Variants in ITGB8 observed in about 807,000 individuals in gnomAD.
The protein encoded by ITGB8 is integrin subunit beta 8.
ITGB8 carries 30 observed loss-of-function variants against 89.5 expected under a neutral mutation model. The observed-to-expected ratio is 0.34, with a 90% CI of 0.25 to 0.45. The LOEUF is 0.45. Ranked by LOEUF, ITGB8 falls within the 20% of genes least tolerant of loss-of-function variation. The probability of loss-of-function intolerance (pLI) is 1.00; values close to 1 mark genes in which losing one functional copy is unlikely to be tolerated. For missense variants in ITGB8, 836 were observed against 933.3 expected (o/e 0.90, Z 1.36); for synonymous variants, 335 against 320.4 (o/e 1.05, Z -0.49).
chr7:20,340,454 A>T (rs1784719802), intron 1 of ITGB8, among the ~76,000 whole-genome samples: 2 of 152,222 alleles, frequency 1.3e-5, no homozygotes, highest in African/African-American at 4.8e-5. Flanking sequence ...AACTGTACCA[A>T]ATATGTCATA....
chr7:20,404,781 GC>G lies in ITGB8; in HGVS notation c.1842del (p.Cys614Ter). 1 of 1,614,174 alleles carries G rather than the reference GC, an allele frequency of 6.2e-7. No homozygotes were observed. The highest frequency in any genetic ancestry group is 8.5e-7 in the Non-Finnish European group (1 of 1,180,044). ...ACGTGTGTGTGTGGAAGGTGTGAGT[GC>G]ACCGATCCCAGGAGCATCGGCCGCT... is the stretch of plus-strand genomic sequence containing the variant. ...RGTCVCGRCECTDPRSIGRFC... is the reference protein window; with the variant it reads ...RGTCVCGRCEXTDPRSIGRFC... On this transcript the variant is annotated frameshift_variant, in exon 11 of 14. Transcript: ENST00000222573. LOFTEE classifies it high-confidence loss of function.
intron 11 of ITGB8, 78 bp downstream of exon 11, chr7:20,404,931 A>T: frequency 8.1e-7 from 1 of 1,239,506 alleles, no homozygotes. Flanking sequence ...CTTAATCTTA[A>T]ACGTTGCCAG....
intron 1 of ITGB8, among the ~76,000 whole-genome samples, chr7:20,355,776 T>G (rs747167031): frequency 6.6e-6 from 1 of 152,212 alleles, no homozygotes; most frequent in African/African-American, 2.4e-5. Context: ...TGGGCGACAC[T>G]GCAAGAGAGT....
intron 8 of ITGB8, among the ~76,000 whole-genome samples, chr7:20,398,491 G>C (rs1472987680): frequency 1.3e-5 from 2 of 152,134 alleles, no homozygotes; most frequent in Non-Finnish European, 2.9e-5. Flanking sequence ...TTTACCCTTT[G>C]TGATGATATA....
intron 1 of ITGB8, among the ~76,000 whole-genome samples, chr7:20,353,931 CAAAAAA>C (rs1158594685): frequency 4.3e-4 from 24 of 55,718 alleles, no homozygotes; most frequent in South Asian, 1.1e-3. Context: ...GACTCCGTCT[CAAAAAA>C]AAAAAAAAAA....
chr7:20,409,336 A>G (rs1258441063), intron 12 of ITGB8, among the ~76,000 whole-genome samples: 1 of 152,246 alleles, frequency 6.6e-6, no homozygotes, highest in Admixed American at 6.5e-5. Flanking sequence ...TAATACAATT[A>G]AAGAATCAAG....
chr7:20,330,773 C>G (rs1326686861), upstream of ITGB8: 1 of 152,128 alleles, frequency 6.6e-6, no homozygotes, highest in Non-Finnish European at 1.5e-5. Context: ...GGTTTCCTAG[C>G]AACTCTCTGC....
chr7:20,409,486 C>A, intron 12 of ITGB8, 129 bp from the exon 13 acceptor site: 1 of 628,118 alleles, frequency 1.6e-6, no homozygotes, highest in Non-Finnish European at 2.6e-6. Flanking sequence ...ATTTCAATCC[C>A]GATTTGAAAA....
Position 20,409,945 on chromosome 7 carries a change from A to C in ITGB8, c.2258A>C (p.Lys753Thr). 6.2e-7 allele frequency: 1 copy of C among 1,613,644 alleles called. No homozygotes were observed. The highest frequency in any genetic ancestry group is 8.5e-7 in the Non-Finnish European group (1 of 1,179,740). ...CGACGTGAGAAGCCTGAAGAAATAA[A>C]AATGGATATCAGCAAATTAAATGCT... ...TYRREKPEEI[K>T]MDISKLNAHE... The change falls in exon 14 of 14, where the codon AAA (lysine) becomes ACA (threonine). Residue 753 changes from lysine to threonine, a missense_variant. Physicochemically the swap from Lys to Thr is moderately conservative, Grantham distance 78. Around this residue, in one of 5 missense-constraint regions of ITGB8, gnomAD observed 422 missense variants for 416.9 expected, o/e 1.01. Coordinates refer to ENST00000222573, the MANE Select transcript of ITGB8 (RefSeq NM_002214.3).
In ITGB8 at chr7:20,410,319, C is replaced by A. The variant is rs1787714833; in HGVS notation, c.*322C>A. On this transcript the variant is annotated 3_prime_UTR_variant, in exon 14 of 14. Transcript: ENST00000222573. ...TTACACTTTACAGGTACCTGTTATC[C>A]CTACGCTTCCCAGAGAGAACAATGC... is the stretch of plus-strand genomic sequence containing the variant. 3.9e-6 allele frequency: 1 copy of A among 254,986 alleles called. No individual in the cohort carries two copies. Among genetic ancestry groups the A allele is most frequent in the Non-Finnish European group, 7.5e-6 (1 of 132,918 alleles). 15.8% of individuals were successfully genotyped at this position (254,986 alleles called of 1,614,324 possible).
chr7:20,369,801 A>G (rs544846512), intron 3 of ITGB8, among the ~76,000 whole-genome samples: 1 of 152,314 alleles, frequency 6.6e-6, no homozygotes, highest in Non-Finnish European at 1.5e-5. Flanking sequence ...ATACAAAATA[A>G]TAAATAAATA....
chr7:20,368,429 A>C (rs1400052964), intron 3 of ITGB8, among the ~76,000 whole-genome samples: 1 of 152,190 alleles, frequency 6.6e-6, no homozygotes, highest in African/African-American at 2.4e-5. Context: ...ATATTCCTAT[A>C]ATTACACATG....
intron 6 of ITGB8, among the ~76,000 whole-genome samples, chr7:20,390,716 G>A (rs1450757210): frequency 6.6e-6 from 1 of 152,020 alleles, no homozygotes; most frequent in African/African-American, 2.4e-5. Context: ...GCAAGAAAAT[G>A]CACTAAATAG....
At chr7:20,342,627 T>C (rs951752527) in intron 1 of ITGB8, among the ~76,000 whole-genome samples, 2 of 152,186 alleles carry the variant, frequency 1.3e-5, no homozygotes, top group African/African-American at 4.8e-5. Flanking sequence ...TGAGAGGGTT[T>C]TGCCAGTAAC....
chr7:20,384,447 T>C (rs1285232876), intron 6 of ITGB8, among the ~76,000 whole-genome samples: 3 of 152,230 alleles, frequency 2.0e-5, no homozygotes, highest in Non-Finnish European at 4.4e-5. Context: ...ACTGCCATTT[T>C]ATTGAGTATG....
At chr7:20,402,201 C>T in intron 10 of ITGB8, 75 bp downstream of exon 10, 1 of 1,280,364 alleles carries the variant, frequency 7.8e-7, no homozygotes, top group Admixed American at 2.6e-5. Context: ...GTCTTTAAAT[C>T]ACATGTTTAT....
intron 3 of ITGB8, among the ~76,000 whole-genome samples, chr7:20,371,895 A>G (rs1583502214): frequency 1.3e-5 from 2 of 152,224 alleles, no homozygotes; most frequent in South Asian, 4.1e-4. Context: ...TTAGCCTTTC[A>G]TTAGTCAACC....
In ITGB8 at chr7:20,372,331, G is replaced by A. The variant is rs138518923; in HGVS notation, c.388+5145G>A. On this transcript the variant is annotated intron_variant, in intron 3 of 13. Coordinates refer to ENST00000222573, the MANE Select transcript of ITGB8 (RefSeq NM_002214.3). ...GTTCAAAAGTTGGAAAATTGTTTCA[G>A]TGCTGTAGACAAGCAATGATAGTGG... Among the ~76,000 whole-genome samples the A allele has an allele frequency of 1.2e-4, 19 of 152,286 alleles. No individual in the cohort carries two copies. The East Asian group carries it at 2.7e-3, about 22-fold the overall frequency.
Position 20,415,515 on chromosome 7 carries a change from G to T in ITGB8, c.*5518G>T, listed in dbSNP as rs1271298748. 1 of 152,448 alleles carries T rather than the reference G, an allele frequency of 6.6e-6. No individual in the cohort carries two copies. The highest frequency in any genetic ancestry group is 1.5e-5 in the Non-Finnish European group (1 of 67,950). 9.4% of individuals were successfully genotyped at this position (152,448 alleles called of 1,614,324 possible). ...GTCTTAAATGATACAGAATATTGGA[G>T]AATATGATACTTTCACATAATATAC... On this transcript the variant is annotated 3_prime_UTR_variant, in exon 14 of 14. Coordinates refer to ENST00000222573, the MANE Select transcript of ITGB8 (RefSeq NM_002214.3).
Sources: allele counts gnomAD v4.1 joint callset (sites outside exome capture counted in the v4.1 genomes callset), GRCh38; gene constraint gnomAD v4.1.1; regional missense constraint gnomAD v4.1.1; transcripts MANE v1.5; gene names NCBI Gene and HGNC (gene_info 2026-07-23, HGNC 2026-07-21).